Variants in KLF8 observed in about 807,000 individuals in gnomAD.
KLF8 encodes KLF transcription factor 8, also known as Krueppel-like factor 8.
KLF8 carries 10 observed loss-of-function variants against 18.2 expected under a neutral mutation model. The observed-to-expected ratio is 0.55, with a 90% CI of 0.34 to 0.93. The LOEUF is 0.93. Among genes scored for constraint, KLF8 ranks in the 40% least tolerant of loss-of-function variants. KLF8 has a pLI of 0.02. For missense variants in KLF8, 264 were observed against 277.9 expected (o/e 0.95, Z 0.36); for synonymous variants, 109 against 97.3 (o/e 1.12, Z -0.71).
At chrX:55,985,977 C>CTTTTGTAT in the KLF8 span, among the ~76,000 whole-genome samples, 61 of 110,962 alleles carry the variant, frequency 5.5e-4, no homozygotes, top group Non-Finnish European at 1.1e-3. Context: ...TTGCACATTG[C>CTTTTGTAT]TTTTGTATTT....
At chrX:55,919,347 C>T in the KLF8 span, among the ~76,000 whole-genome samples, 1 of 111,926 alleles carries the variant, frequency 8.9e-6, no homozygotes, top group East Asian at 2.8e-4. Context: ...ACCACAGGAA[C>T]ACACCAGGAA....
chrX:56,215,526 A>G, the KLF8 span, among the ~76,000 whole-genome samples: 57,512 of 108,747 alleles, frequency 0.53, 13,788 homozygotes, highest in Non-Finnish European at 0.74. Context: ...TCAGAAATTC[A>G]CATATCCAAT....
At chrX:56,079,000 A>AT in the KLF8 span, among the ~76,000 whole-genome samples, 47,233 of 109,807 alleles carry the variant, frequency 0.43, 10,311 homozygotes, top group Non-Finnish European at 0.67. Context: ...CCCCTTTATC[A>AT]TTTTTTATCA....
the KLF8 span, among the ~76,000 whole-genome samples, chrX:56,169,917 G>A: frequency 7.2e-5 from 8 of 111,449 alleles, no homozygotes; most frequent in South Asian, 3.8e-4. Flanking sequence ...AAGGTCTGAC[G>A]AGCACAGTCT....
Position 56,287,526 on chromosome X carries a change from G to A in KLF8, c.*3032G>A, listed in dbSNP as rs938935383. ...AGCCTGGACAGTTGCTTATGGCATC[G>A]ATAGGGTTGGATAATATTCTGGGAT... On this transcript the variant is annotated 3_prime_UTR_variant, in exon 6 of 6. Coordinates refer to ENST00000468660, the MANE Select transcript of KLF8 (RefSeq NM_007250.5). 6 of 111,810 alleles carry A rather than the reference G, an allele frequency of 5.4e-5. No individual in the cohort carries two copies. The highest frequency in any genetic ancestry group is 7.5e-5 in the Non-Finnish European group (4 of 53,186). 9.2% of individuals were successfully genotyped at this position (111,810 alleles called of 1,213,427 possible).
chrX:56,290,406 T>A lies in KLF8; in HGVS notation c.*5912T>A, dbSNP rs978146443. Among the ~76,000 whole-genome samples the A allele has an allele frequency of 2.7e-5, 3 of 111,913 alleles. No individual in the cohort carries two copies. The highest frequency in any genetic ancestry group is 9.7e-5 in the African/African-American group (3 of 30,828). ...TTAGGCTTCCTAGGTGATAAACAGA[T>A]AAATTTGAGTAAGAAGGATAATTAA... On this transcript the variant is annotated 3_prime_UTR_variant, in exon 6 of 6. Coordinates refer to ENST00000468660, the MANE Select transcript of KLF8 (RefSeq NM_007250.5).
chrX:55,918,131 T>A, the KLF8 span, among the ~76,000 whole-genome samples: 2 of 111,996 alleles, frequency 1.8e-5, no homozygotes, highest in South Asian at 7.5e-4. Flanking sequence ...AGAAAGTAAG[T>A]AGATAAAGGA....
the KLF8 span, among the ~76,000 whole-genome samples, chrX:56,179,117 C>T: frequency 8.9e-6 from 1 of 112,166 alleles, no homozygotes; most frequent in African/African-American, 3.2e-5. Flanking sequence ...TATCCATTAG[C>T]GTGGAATGTT....
chrX:56,071,698 A>G, the KLF8 span, among the ~76,000 whole-genome samples: 1 of 111,902 alleles, frequency 8.9e-6, no homozygotes, highest in Non-Finnish European at 1.9e-5. Context: ...TAAATGAATA[A>G]AACAGTACCT....
rs752328827 is a variant in KLF8, at chrX:56,288,142, G to A, written c.*3648G>A. ...ATCCCAGCAATACTTGAGAGGCTGA[G>A]GCAAGAGAATTGCTTGAACCTGGGA... On this transcript the variant is annotated 3_prime_UTR_variant, in exon 6 of 6. Transcript: ENST00000468660. 1.5e-4 allele frequency among the ~76,000 whole-genome samples: 17 copies of A among 110,801 alleles called. No individual in the cohort carries two copies. In the East Asian group the frequency reaches 4.0e-3, roughly 26 times the overall value.
At chrX:56,195,092 G>C in the KLF8 span, among the ~76,000 whole-genome samples, 1 of 111,969 alleles carries the variant, frequency 8.9e-6, no homozygotes, top group African/African-American at 3.2e-5. Context: ...CAACATCAAA[G>C]ACTAAAGGTA....
At chrX:56,198,690 A>T in the KLF8 span, among the ~76,000 whole-genome samples, 3 of 112,237 alleles carry the variant, frequency 2.7e-5, no homozygotes, top group Non-Finnish European at 5.6e-5. Flanking sequence ...ATTCAATGCC[A>T]TCCCCATCAA....
At chrX:56,164,729 C>CTTTTTTTTTTTTTTTTTTTTTTTT in the KLF8 span, among the ~76,000 whole-genome samples, 9 of 51,914 alleles carry the variant, frequency 1.7e-4, no homozygotes, top group East Asian at 6.3e-4. Context: ...CTTGTTATCT[C>CTTTTTTTTTTTTTTTTTTTTTTTT]TTTTTTTTTT....
the KLF8 span, among the ~76,000 whole-genome samples, chrX:56,060,140 A>C: frequency 9.0e-6 from 1 of 111,638 alleles, no homozygotes; most frequent in Non-Finnish European, 1.9e-5. Flanking sequence ...AAAAGAGACA[A>C]TCTGACTTCC....
the KLF8 span, among the ~76,000 whole-genome samples, chrX:56,011,815 G>A: frequency 5.4e-5 from 6 of 111,728 alleles, no homozygotes; most frequent in African/African-American, 1.3e-4. Context: ...CCATCAGAGA[G>A]TACTATAAAC....
the KLF8 span, among the ~76,000 whole-genome samples, chrX:56,172,037 G>A: frequency 9.0e-6 from 1 of 110,702 alleles, no homozygotes; most frequent in Non-Finnish European, 1.9e-5. Flanking sequence ...AGCACCTGTT[G>A]TTTCCTGACT....
At chrX:56,271,231 A>C (rs1260407848) in intron 5 of KLF8, among the ~76,000 whole-genome samples, 2 of 111,252 alleles carry the variant, frequency 1.8e-5, no homozygotes, top group African/African-American at 3.3e-5. Flanking sequence ...TGGCTCTGAA[A>C]TCAATCCCCC....
the KLF8 span, among the ~76,000 whole-genome samples, chrX:56,049,716 G>A: frequency 9.2e-6 from 1 of 108,658 alleles, no homozygotes; most frequent in South Asian, 4.1e-4. Flanking sequence ...AAGGATATTG[G>A]TCTAAAATTC....
chrX:56,183,056 C>T, the KLF8 span, among the ~76,000 whole-genome samples: 1 of 112,541 alleles, frequency 8.9e-6, no homozygotes, highest in East Asian at 2.8e-4. Flanking sequence ...CCGCTATGCC[C>T]TGCCCCCAGA....
Sources: allele counts gnomAD v4.1 joint callset (sites outside exome capture counted in the v4.1 genomes callset), GRCh38; gene constraint gnomAD v4.1.1; transcripts MANE v1.5; gene names NCBI Gene and HGNC (gene_info 2026-07-23, HGNC 2026-07-21).